The following PCDHA12 variants were observed in gnomAD, a reference collection of about 807,000 sequenced individuals.
The protein encoded by PCDHA12 is protocadherin alpha 12, also known as protocadherin alpha-12.
A neutral mutation model predicts 60.0 loss-of-function variants in PCDHA12; 44 were observed. That is an observed-to-expected ratio of 0.73 (90% CI 0.58 to 0.94). PCDHA12 has a LOEUF of 0.94. Ranked by LOEUF, PCDHA12 falls within the 40% of genes least tolerant of loss-of-function variation. The probability of loss-of-function intolerance (pLI) is 0.00; values close to 1 mark genes in which losing one functional copy is unlikely to be tolerated. For synonymous variants in PCDHA12, 569 were observed against 553.0 expected, an observed-to-expected ratio of 1.03 and a Z score of -0.40; for missense variants, 1,276 against 1,239.7, an observed-to-expected ratio of 1.03 and a Z score of -0.44.
intron 1 of PCDHA12, among the ~76,000 whole-genome samples, chr5:140,970,314 A>G (rs141905108): frequency 0.01 from 1,597 of 152,320 alleles, 13 homozygotes; most frequent in Middle Eastern, 0.014. Flanking sequence ...AAGTTAAATG[A>G]CAGTACTTCC....
At chr5:140,993,226 T>G (rs1554253487) in intron 3 of PCDHA12, among the ~76,000 whole-genome samples, 1 of 152,204 alleles carries the variant, frequency 6.6e-6, no homozygotes, top group Non-Finnish European at 1.5e-5. Context: ...TTTGGTATGT[T>G]CTCTCTGAAT....
At chr5:140,968,017 C>A in intron 1 of PCDHA12, 1 of 1,614,216 alleles carries the variant, frequency 6.2e-7, no homozygotes, top group South Asian at 1.1e-5. Flanking sequence ...GCTTTGGAAA[C>A]TCCTATACAC....
In PCDHA12 at chr5:140,936,000, C is replaced by T. The variant is rs370629183; in HGVS notation, c.2368-42949C>T. Among the ~76,000 whole-genome samples, 13 of 150,536 alleles carry T rather than the reference C, an allele frequency of 8.6e-5. No homozygotes were observed. In the East Asian group the frequency reaches 1.6e-3, roughly 18 times the overall value. ...CTCTGCCTCCCGGGTTCAAGCGATT[C>T]TCCCACCTCAGCCTCCCGAGTAGCG... On this transcript the variant is annotated intron_variant, in intron 1 of 3. Coordinates refer to ENST00000398631, the MANE Select transcript of PCDHA12 (RefSeq NM_018903.4).
chr5:140,876,598 G>T lies in PCDHA12; in HGVS notation c.1126G>T (p.Asp376Tyr). Reference sequence around the variant, plus strand: ...CGTCATTGCCCTGATTAGCGTGTCGGATCGTGACTCTGGAGCCAATGGACA... The same window carrying T: ...CGTCATTGCCCTGATTAGCGTGTCGTATCGTGACTCTGGAGCCAATGGACA... ...GTVIALISVS[D>Y]RDSGANGQVI... The change falls in exon 1 of 4, where the codon GAT (aspartate) becomes TAT (tyrosine). Residue 376 changes from aspartate (D) to tyrosine (Y), a missense_variant. Asp to Tyr is a radical substitution (Grantham distance 160). Transcript: ENST00000398631. 6.2e-7 allele frequency: 1 copy of T among 1,614,168 alleles called. No individual in the cohort carries two copies. Among genetic ancestry groups the T allele is most frequent in the Non-Finnish European group, 8.5e-7 (1 of 1,180,040 alleles).
intron 1 of PCDHA12, among the ~76,000 whole-genome samples, chr5:140,887,179 C>A (rs984497356): frequency 6.6e-6 from 1 of 151,850 alleles, no homozygotes; most frequent in Non-Finnish European, 1.5e-5. Context: ...TCACTGCAAG[C>A]TCCACCTCCC....
chr5:140,977,541 G>A (rs1164108305), intron 1 of PCDHA12, among the ~76,000 whole-genome samples: 2 of 152,188 alleles, frequency 1.3e-5, no homozygotes, highest in Non-Finnish European at 2.9e-5. Context: ...GAAGCAGCTT[G>A]CATATGCATA....
At chr5:140,921,695 A>G (rs1190217757) in intron 1 of PCDHA12, among the ~76,000 whole-genome samples, 1 of 152,216 alleles carries the variant, frequency 6.6e-6, no homozygotes, top group Admixed American at 6.5e-5. Context: ...GGCCACCTCA[A>G]TTTTAAACAG....
At chr5:140,883,219 A>G (rs1416740017) in intron 1 of PCDHA12, 1 of 1,613,942 alleles carries the variant, frequency 6.2e-7, no homozygotes, top group Non-Finnish European at 8.5e-7. Flanking sequence ...AATTATATGA[A>G]ATATCCGTGG....
rs782795906 is a variant in PCDHA12 at position 140,876,546 on chromosome 5, T to A, written c.1074T>A (p.Pro358=). 1 of 1,614,218 alleles carries A rather than the reference T, an allele frequency of 6.2e-7. No individual in the cohort carries two copies. The highest frequency in any genetic ancestry group is 8.5e-7 in the Non-Finnish European group (1 of 1,180,038). Residue 358 remains proline, a synonymous_variant, in exon 1 of 4, where the codon CCT becomes CCA. Transcript: ENST00000398631. ...TAATGGTTACTTCACTGTCGCTCCCTGTGCAAGAGGATGCTCAGGTGGGTA... is the reference window on the plus strand; with the variant it reads ...TAATGGTTACTTCACTGTCGCTCCCAGTGCAAGAGGATGCTCAGGTGGGTA... ...PEVMVTSLSL[P]VQEDAQVGTV...
rs1554168215 is a variant in PCDHA12, at chr5:140,876,039, T to A, written c.567T>A (p.Ser189Arg). 3 of 1,613,746 alleles carry A rather than the reference T, an allele frequency of 1.9e-6. No individual in the cohort carries two copies. Among genetic ancestry groups the A allele is most frequent in the South Asian group, 2.2e-5 (2 of 91,062 alleles). The change falls in exon 1 of 4, where the codon AGT becomes AGA. Residue 189 changes from serine to arginine, a missense_variant. By Grantham distance (110) the Ser-to-Arg change is moderately radical. Transcript: ENST00000398631. ...ELKIKTKKDK[S>R]ILPELVLRKL... is the part of the protein sequence containing the mutation. ...AAATAAAAACAAAAAAAGATAAAAG[T>A]ATATTGCCTGAATTAGTTCTTCGGA...
chr5:140,897,383 C>T (rs1554187365), intron 1 of PCDHA12, among the ~76,000 whole-genome samples: 1 of 143,902 alleles, frequency 6.9e-6, no homozygotes, highest in African/African-American at 2.6e-5. Flanking sequence ...CTTCCCCTTC[C>T]TGTGTCCATG....
intron 1 of PCDHA12, chr5:140,926,342 G>T (rs1238404747): frequency 6.6e-6 from 1 of 152,270 alleles, no homozygotes; most frequent in Admixed American, 6.5e-5. Flanking sequence ...GCCGGGACCC[G>T]ACGCGCGGCT....
At chr5:140,922,815 C>G (rs2081002299) in intron 1 of PCDHA12, among the ~76,000 whole-genome samples, 2 of 152,158 alleles carry the variant, frequency 1.3e-5, no homozygotes, top group Non-Finnish European at 2.9e-5. Context: ...AAAGGAGATA[C>G]AGCATACTGC....
At chr5:140,883,190 C>G in intron 1 of PCDHA12, 1 of 1,613,818 alleles carries the variant, frequency 6.2e-7, no homozygotes, top group Non-Finnish European at 8.5e-7. Context: ...AAAAGGCAAA[C>G]TAGATTTCGA....
At position 140,978,795 on chromosome 5, in the gene PCDHA12, G is replaced by A. The variant is rs1437973642; in HGVS notation, c.2368-154G>A. 3 of 979,120 alleles carry A rather than the reference G, an allele frequency of 3.1e-6. No individual in the cohort carries two copies. The African/African-American group carries it at 5.3e-5, about 17-fold the overall frequency. The allele number at this position is 979,120 out of a possible 1,614,324, so 60.7% of individuals were successfully genotyped here. On this transcript the variant is annotated intron_variant, in intron 1 of 3. Coordinates refer to ENST00000398631, the MANE Select transcript of PCDHA12 (RefSeq NM_018903.4). ...AATTTTCTTCTAAAGTGCTATATAT[G>A]TAGATATCATCATAGAGTTACACAT...
intron 1 of PCDHA12, among the ~76,000 whole-genome samples, chr5:140,908,155 G>C (rs559304647): frequency 6.6e-6 from 1 of 152,194 alleles, no homozygotes; most frequent in Non-Finnish European, 1.5e-5. Context: ...TCCTAGGAAG[G>C]GGCTGTAGTG....
chr5:140,915,606 C>A (rs2077190807), intron 1 of PCDHA12, among the ~76,000 whole-genome samples: 1 of 150,452 alleles, frequency 6.6e-6, no homozygotes, highest in African/African-American at 2.5e-5. Context: ...CCCTTACTTT[C>A]TGTCAAACAG....
intron 1 of PCDHA12, among the ~76,000 whole-genome samples, chr5:140,938,233 A>AC (rs1329361250): frequency 6.6e-6 from 1 of 152,210 alleles, no homozygotes; most frequent in African/African-American, 2.4e-5. Context: ...GGCATAGGCC[A>AC]CCATGCCTGG....
In PCDHA12 at chr5:140,955,830, T is replaced by G. The variant is rs564870909; in HGVS notation, c.2368-23119T>G. Among the ~76,000 whole-genome samples, 9 of 152,318 alleles carry G rather than the reference T, an allele frequency of 5.9e-5. No individual in the cohort carries two copies. The South Asian group carries it at 1.9e-3, about 32-fold the overall frequency. Reference sequence around the variant, plus strand: ...TGTCCACTGTGATTTCCTTGAGCAGTGGTTTGTCATTCTCCTTGAAGAGGT... The same window carrying G: ...TGTCCACTGTGATTTCCTTGAGCAGGGGTTTGTCATTCTCCTTGAAGAGGT... On this transcript the variant is annotated intron_variant, in intron 1 of 3. Coordinates refer to ENST00000398631, the MANE Select transcript of PCDHA12 (RefSeq NM_018903.4).
Sources: allele counts gnomAD v4.1 joint callset (sites outside exome capture counted in the v4.1 genomes callset), GRCh38; gene constraint gnomAD v4.1.1; transcripts MANE v1.5; gene names NCBI Gene and HGNC (gene_info 2026-07-23, HGNC 2026-07-21).